The following PTPRT variants were observed in gnomAD, a reference collection of about 807,000 sequenced individuals.
The protein encoded by PTPRT is receptor-type tyrosine-protein phosphatase T.
In PTPRT, 56 loss-of-function variants were observed where a neutral mutation model predicts 176.8. That is an observed-to-expected ratio of 0.32 (90% CI 0.26 to 0.40). PTPRT has a LOEUF of 0.40. Ranked by LOEUF, PTPRT falls within the 10% of genes least tolerant of loss-of-function variation. The pLI, the probability that PTPRT is intolerant of heterozygous loss-of-function variation, is 1.00. For synonymous variants in PTPRT, 783 were observed against 739.0 expected, an observed-to-expected ratio of 1.06 and a Z score of -0.96; for missense variants, 1,540 against 1,908.2, an observed-to-expected ratio of 0.81 and a Z score of 3.60.
chr20:42,650,830 G>A lies in PTPRT; in HGVS notation c.1153+27036C>T, dbSNP rs943341713. Among the ~76,000 whole-genome samples the A allele has an allele frequency of 2.0e-4, 30 of 152,142 alleles. 1 individual carries two copies. The highest frequency in any genetic ancestry group is 7.0e-4 in the African/African-American group (29 of 41,446). On this transcript the variant is annotated intron_variant, in intron 7 of 30. Coordinates refer to ENST00000373187, the MANE Select transcript of PTPRT (RefSeq NM_007050.6). ...GTGGAGAAAATACTCATCTCTGCCA[G>A]TGTGTCAAAGAATGACAACGGCCAG...
intron 1 of PTPRT, among the ~76,000 whole-genome samples, chr20:42,972,460 G>A (rs895404261): frequency 1.3e-5 from 2 of 151,430 alleles, no homozygotes; most frequent in African/African-American, 4.8e-5. Flanking sequence ...TAAGGAGTTC[G>A]AGACCTGCCT....
intron 1 of PTPRT, among the ~76,000 whole-genome samples, chr20:42,986,178 T>C (rs1983564724): frequency 6.6e-6 from 1 of 152,248 alleles, no homozygotes. Flanking sequence ...GAATATGTCA[T>C]TGTACACACA....
intron 7 of PTPRT, among the ~76,000 whole-genome samples, chr20:42,535,868 C>G (rs923246014): frequency 6.6e-6 from 1 of 152,072 alleles, no homozygotes. Context: ...ATTGGGGTGG[C>G]CAGATCAGGG....
At chr20:42,301,780 A>G (rs1212678096) in intron 12 of PTPRT, among the ~76,000 whole-genome samples, 7 of 152,132 alleles carry the variant, frequency 4.6e-5, no homozygotes, top group Admixed American at 1.3e-4. Context: ...TATTCTTGAA[A>G]CATCTCTGTG....
At chr20:43,056,279 T>C (rs1310183845) in intron 1 of PTPRT, among the ~76,000 whole-genome samples, 1 of 152,144 alleles carries the variant, frequency 6.6e-6, no homozygotes, top group African/African-American at 2.4e-5. Flanking sequence ...AGGAACTACA[T>C]CTTCGCATCC....
chr20:42,872,959 C>T (rs2145829308), intron 2 of PTPRT, among the ~76,000 whole-genome samples: 1 of 152,256 alleles, frequency 6.6e-6, no homozygotes, highest in African/African-American at 2.4e-5. Flanking sequence ...AGAGATAATG[C>T]CTACCCAATT....
chr20:42,625,798 C>T (rs1448293189), intron 7 of PTPRT, among the ~76,000 whole-genome samples: 1 of 152,036 alleles, frequency 6.6e-6, no homozygotes, highest in Non-Finnish European at 1.5e-5. Flanking sequence ...TGGTTGAACA[C>T]TCACAAGGAA....
intron 1 of PTPRT, among the ~76,000 whole-genome samples, chr20:43,120,474 T>C (rs752209548): frequency 6.6e-6 from 1 of 152,178 alleles, no homozygotes; most frequent in Non-Finnish European, 1.5e-5. Flanking sequence ...GGTTTCACCA[T>C]GTTAGCCAGG....
chr20:42,640,774 C>T (rs2074727755), intron 7 of PTPRT, among the ~76,000 whole-genome samples: 1 of 152,126 alleles, frequency 6.6e-6, no homozygotes, highest in African/African-American at 2.4e-5. Flanking sequence ...TTGAGGATCA[C>T]CATTCAGCTT....
chr20:42,818,483 C>A (rs942644100), intron 2 of PTPRT, among the ~76,000 whole-genome samples: 8 of 152,190 alleles, frequency 5.3e-5, no homozygotes, highest in Non-Finnish European at 1.0e-4. Flanking sequence ...TGCCTTTCCT[C>A]CTCCAAACGA....
At chr20:42,133,857 C>T (rs1332598239) in intron 18 of PTPRT, among the ~76,000 whole-genome samples, 2 of 152,154 alleles carry the variant, frequency 1.3e-5, no homozygotes, top group East Asian at 1.9e-4. Context: ...AAGAAAAATG[C>T]TAGGACAATG....
chr20:42,193,294 T>A (rs1419816409), intron 16 of PTPRT, among the ~76,000 whole-genome samples: 2 of 152,268 alleles, frequency 1.3e-5, no homozygotes, highest in Non-Finnish European at 2.9e-5. Context: ...GGGAATCTGC[T>A]AGGCTCCATG....
chr20:42,595,039 C>A (rs1004423947), intron 7 of PTPRT, among the ~76,000 whole-genome samples: 2 of 152,124 alleles, frequency 1.3e-5, no homozygotes, highest in African/African-American at 4.8e-5. Flanking sequence ...TTGGTCAGAA[C>A]TCTGGGGGTG....
At chr20:42,492,050 T>C (rs1052731289) in intron 7 of PTPRT, among the ~76,000 whole-genome samples, 1 of 152,220 alleles carries the variant, frequency 6.6e-6, no homozygotes, top group African/African-American at 2.4e-5. Context: ...TAGTATATCA[T>C]GCTATAGGTG....
At chr20:42,664,752 G>T (rs1600572353) in intron 7 of PTPRT, among the ~76,000 whole-genome samples, 1 of 151,936 alleles carries the variant, frequency 6.6e-6, no homozygotes, top group Non-Finnish European at 1.5e-5. Context: ...AATTTTAAAA[G>T]TCACCAGTGG....
At chr20:42,741,947 G>A (rs149727489) in intron 6 of PTPRT, among the ~76,000 whole-genome samples, 144 of 152,294 alleles carry the variant, frequency 9.5e-4, no homozygotes, top group African/African-American at 3.3e-3. Flanking sequence ...GCAGATGCAT[G>A]CAAATATATC....
At chr20:42,986,784 C>T (rs746385301) in intron 1 of PTPRT, among the ~76,000 whole-genome samples, 5 of 152,152 alleles carry the variant, frequency 3.3e-5, no homozygotes, top group Non-Finnish European at 7.4e-5. Flanking sequence ...AAAGCATAAA[C>T]AGTAAGCAGC....
At chr20:42,411,670 A>G (rs1474488182) in intron 9 of PTPRT, among the ~76,000 whole-genome samples, 1 of 152,170 alleles carries the variant, frequency 6.6e-6, no homozygotes, top group African/African-American at 2.4e-5. Context: ...TGAGATATTA[A>G]AAGGAAAAAT....
chr20:42,428,958 C>T (rs926632256), intron 9 of PTPRT, among the ~76,000 whole-genome samples: 1 of 152,118 alleles, frequency 6.6e-6, no homozygotes, highest in African/African-American at 2.4e-5. Flanking sequence ...AGCTTATGGC[C>T]ACCCTAATCA....
Sources: allele counts gnomAD v4.1 joint callset (sites outside exome capture counted in the v4.1 genomes callset), GRCh38; gene constraint gnomAD v4.1.1; transcripts MANE v1.5; gene names NCBI Gene and HGNC (gene_info 2026-07-23, HGNC 2026-07-21).